PTPRK: variants seen among roughly 807,000 people sequenced by gnomAD.
PTPRK encodes protein tyrosine phosphatase receptor type K, also known as receptor-type tyrosine-protein phosphatase kappa.
PTPRK carries 75 observed loss-of-function variants against 178.0 expected under a neutral mutation model. The ratio of observed to expected loss-of-function variants is 0.42; its 90% CI spans 0.35 to 0.51. PTPRK has a LOEUF of 0.51. Ranked by LOEUF, PTPRK falls within the 20% of genes least tolerant of loss-of-function variation. The pLI, the probability that PTPRK is intolerant of heterozygous loss-of-function variation, is 0.02. For missense variants in PTPRK, 1,441 were observed against 1,797.8 expected, an observed-to-expected ratio of 0.80 and a Z score of 3.59; for synonymous variants, 637 against 620.6, an observed-to-expected ratio of 1.03 and a Z score of -0.39.
At chr6:128,378,170 A>T (rs888570081) in intron 2 of PTPRK, among the ~76,000 whole-genome samples, 90 of 152,272 alleles carry the variant, frequency 5.9e-4, no homozygotes, top group African/African-American at 2.1e-3. Flanking sequence ...TACATTTATG[A>T]ACTAGAAAAC....
intron 3 of PTPRK, among the ~76,000 whole-genome samples, chr6:128,250,236 T>C (rs1008279187): frequency 2.6e-5 from 4 of 152,200 alleles, no homozygotes; most frequent in Admixed American, 6.5e-5. Context: ...ACACCACCCA[T>C]TGACCTAAGT....
intron 2 of PTPRK, among the ~76,000 whole-genome samples, chr6:128,338,643 C>T (rs1478795956): frequency 6.9e-6 from 1 of 144,246 alleles, no homozygotes; most frequent in East Asian, 2.1e-4. Context: ...AGGTCCTGTG[C>T]TTTGCTGCCC....
chr6:128,006,034 G>A, intron 14 of PTPRK: 5 of 1,569,376 alleles, frequency 3.2e-6, no homozygotes, highest in Non-Finnish European at 4.4e-6. Flanking sequence ...ACAGGTAGTA[G>A]GAGTAAGAAT....
chr6:127,981,637 G>A (rs959547736), intron 24 of PTPRK, among the ~76,000 whole-genome samples: 1 of 148,256 alleles, frequency 6.7e-6, no homozygotes, highest in African/African-American at 2.4e-5. Context: ...ATCATTTGTA[G>A]TAACATCTGG....
rs562862690 is a variant in PTPRK, at chr6:128,290,917, G to A, written c.495+31122C>T. Among the ~76,000 whole-genome samples, 299 of 151,528 alleles carry A rather than the reference G, an allele frequency of 2.0e-3. 2 individuals carry two copies. Among genetic ancestry groups the A allele is most frequent in the African/African-American group, 6.7e-3 (277 of 41,382 alleles). On this transcript the variant is annotated intron_variant, in intron 3 of 29. Coordinates refer to ENST00000368226, the MANE Select transcript of PTPRK (RefSeq NM_002844.4). The stretch of plus-strand genomic sequence containing the variant: ...ATTTAATATACTTTATCTTTTTTTT[G>A]CTGTTAATCTTCAGAACAGTCTCAT...
chr6:128,120,159 C>A (rs564973923), intron 7 of PTPRK, among the ~76,000 whole-genome samples: 78 of 151,962 alleles, frequency 5.1e-4, no homozygotes, highest in African/African-American at 1.8e-3. Flanking sequence ...CTTTCAAGCA[C>A]GACTAATATT....
chr6:128,432,226 T>C (rs558247172), intron 1 of PTPRK, among the ~76,000 whole-genome samples: 44 of 152,348 alleles, frequency 2.9e-4, no homozygotes, highest in African/African-American at 1.0e-3. Flanking sequence ...CTGTGATAAC[T>C]TCTTATTGTA....
At chr6:128,117,592 T>G (rs1285028224) in intron 7 of PTPRK, among the ~76,000 whole-genome samples, 1 of 152,208 alleles carries the variant, frequency 6.6e-6, no homozygotes, top group Non-Finnish European at 1.5e-5. Context: ...TTCATTTTTA[T>G]CAATTAAGAT....
At chr6:128,162,452 T>C (rs554558533) in intron 7 of PTPRK, among the ~76,000 whole-genome samples, 11 of 151,808 alleles carry the variant, frequency 7.2e-5, no homozygotes, top group African/African-American at 2.4e-4. Context: ...AATGTGGGTA[T>C]AGCTCATGCA....
chr6:128,329,978 G>T (rs1041396208), intron 2 of PTPRK, among the ~76,000 whole-genome samples: 1 of 152,134 alleles, frequency 6.6e-6, no homozygotes, highest in Non-Finnish European at 1.5e-5. Context: ...CATAAGAAAA[G>T]TATTTTTATG....
At chr6:128,102,069 T>C (rs773235151) in intron 7 of PTPRK, among the ~76,000 whole-genome samples, 3 of 152,198 alleles carry the variant, frequency 2.0e-5, no homozygotes, top group Non-Finnish European at 2.9e-5. Flanking sequence ...TAGAGATAAA[T>C]GGTTTATGTA....
Position 127,982,831 on chromosome 6 carries a change from C to A in PTPRK, c.3537G>T (p.Gln1179His). 1.2e-6 allele frequency: 2 copies of A among 1,604,232 alleles called. No homozygotes were observed. The highest frequency in any genetic ancestry group is 1.7e-6 in the Non-Finnish European group (2 of 1,174,896). Residue 1179 changes from glutamine (Q) to histidine (H), a missense_variant and splice_region_variant, in exon 24 of 30, where the codon CAG (glutamine) becomes CAT (histidine). Gln to His is a conservative substitution (Grantham distance 24). Transcript: ENST00000368226. Reference protein sequence around the residue: ...TNSSHLKDEFQTLNSVTPRLQ... With the variant: ...TNSSHLKDEFHTLNSVTPRLQ... ...AAGAGGTTTTAGAAATAGTTAATAC[C>A]TGAAATTCATCCTTGAGATGTGAAG...
At chr6:128,238,436 G>A (rs1371793113) in intron 5 of PTPRK, among the ~76,000 whole-genome samples, 1 of 151,852 alleles carries the variant, frequency 6.6e-6, no homozygotes, top group African/African-American at 2.4e-5. Flanking sequence ...CAAGGCAGCT[G>A]GTGACTGAGG....
At chr6:128,472,795 G>T in intron 1 of PTPRK, 1 of 204,366 alleles carries the variant, frequency 4.9e-6, no homozygotes, top group Non-Finnish European at 1.0e-5. Flanking sequence ...ATAATCCAGA[G>T]TTTGACAAAC....
intron 3 of PTPRK, among the ~76,000 whole-genome samples, chr6:128,300,082 C>T (rs907319327): frequency 1.3e-5 from 2 of 152,140 alleles, no homozygotes; most frequent in African/African-American, 4.8e-5. Context: ...AGACACTTCT[C>T]AAAAGAAGAC....
In PTPRK at chr6:128,108,700, TG is replaced by T. The variant is rs574511079; in HGVS notation, c.1163-18709del. Among the ~76,000 whole-genome samples the T allele has an allele frequency of 3.9e-3, 588 of 152,286 alleles. 5 individuals carry two copies. Among genetic ancestry groups the T allele is most frequent in the African/African-American group, 0.013 (542 of 41,544 alleles). On this transcript the variant is annotated intron_variant, in intron 7 of 29. Coordinates refer to ENST00000368226, the MANE Select transcript of PTPRK (RefSeq NM_002844.4). ...GAATTTCCCAGTGTTGTGGTCTGCTTGGGCTTCCATAAACTATCATAGTCTG... is the reference window on the plus strand; with the variant it reads ...GAATTTCCCAGTGTTGTGGTCTGCTTGGCTTCCATAAACTATCATAGTCTG...
chr6:128,151,539 C>T (rs971686339), intron 7 of PTPRK, among the ~76,000 whole-genome samples: 2 of 151,718 alleles, frequency 1.3e-5, no homozygotes, highest in Non-Finnish European at 2.9e-5. Flanking sequence ...TAGATGAAAA[C>T]TGCAGATCAG....
At chr6:128,107,931 A>G (rs745597207) in intron 7 of PTPRK, among the ~76,000 whole-genome samples, 4 of 152,112 alleles carry the variant, frequency 2.6e-5, no homozygotes, top group Non-Finnish European at 4.4e-5. Flanking sequence ...TCCTTGACAT[A>G]ATCATATTTC....
At chr6:128,060,621 A>C (rs1028507563) in intron 13 of PTPRK, among the ~76,000 whole-genome samples, 4 of 152,198 alleles carry the variant, frequency 2.6e-5, no homozygotes, top group African/African-American at 9.6e-5. Context: ...TACAATGAAA[A>C]GACAATTTGA....
Sources: gnomAD v4.1 joint callset for allele counts (sites outside exome capture counted in the v4.1 genomes callset) on GRCh38, gnomAD v4.1.1 for gene constraint, MANE v1.5 for transcripts, NCBI Gene and HGNC (gene_info 2026-07-23, HGNC 2026-07-21) for gene names.